RNF220: variants seen among roughly 807,000 people sequenced by gnomAD.
RNF220 encodes E3 ubiquitin-protein ligase RNF220.
In RNF220, 7 loss-of-function variants were observed where a neutral mutation model predicts 67.1. That is an observed-to-expected ratio of 0.10 (90% CI 0.06 to 0.20). The LOEUF (loss-of-function observed/expected upper bound fraction) is 0.20. Ranked by LOEUF, RNF220 falls within the 10% of genes least tolerant of loss-of-function variation. The pLI is 1.00. For synonymous variants in RNF220, 270 were observed against 283.2 expected (o/e 0.95, Z 0.47); for missense variants, 565 against 740.3 (o/e 0.76, Z 2.75).
chr1:44,472,065 G>T (rs1243432540), intron 2 of RNF220, among the ~76,000 whole-genome samples: 1 of 152,064 alleles, frequency 6.6e-6, no homozygotes, highest in East Asian at 1.9e-4. Context: ...CCTTTTTATG[G>T]TTTAATAGTA....
At chr1:44,490,853 G>A (rs1396612403) in intron 2 of RNF220, among the ~76,000 whole-genome samples, 4 of 151,930 alleles carry the variant, frequency 2.6e-5, no homozygotes, top group Non-Finnish European at 4.4e-5. Context: ...GAATGAATAA[G>A]AACAAGAGAG....
intron 2 of RNF220, among the ~76,000 whole-genome samples, chr1:44,595,098 A>T (rs1297426365): frequency 6.6e-6 from 1 of 152,166 alleles, no homozygotes; most frequent in Non-Finnish European, 1.5e-5. Flanking sequence ...GAAATGCAAA[A>T]TCTAGGATCC....
At chr1:44,562,770 C>T (rs780799791) in intron 2 of RNF220, among the ~76,000 whole-genome samples, 5 of 152,166 alleles carry the variant, frequency 3.3e-5, no homozygotes, top group East Asian at 1.9e-4. Context: ...AGGCTGGAGC[C>T]GTTTTCACTG....
chr1:44,491,434 G>T (rs148722663), intron 2 of RNF220, among the ~76,000 whole-genome samples: 1 of 152,080 alleles, frequency 6.6e-6, no homozygotes, highest in Non-Finnish European at 1.5e-5. Flanking sequence ...TGCAAAGTTG[G>T]TGTAAGATAC....
At chr1:44,481,546 G>A (rs927580048) in intron 2 of RNF220, among the ~76,000 whole-genome samples, 2 of 152,152 alleles carry the variant, frequency 1.3e-5, no homozygotes, top group African/African-American at 4.8e-5. Flanking sequence ...GGGAGCTGGA[G>A]GTTGAGCGGG....
chr1:44,647,219 G>A (rs1037241732), intron 12 of RNF220, among the ~76,000 whole-genome samples: 54 of 152,278 alleles, frequency 3.5e-4, no homozygotes, highest in African/African-American at 1.3e-3. Context: ...CTCCATTCTG[G>A]TGTAGGCTGC....
At chr1:44,572,880 A>T (rs1664543711) in intron 2 of RNF220, 1 of 220,594 alleles carries the variant, frequency 4.5e-6, no homozygotes, top group African/African-American at 2.3e-5. Flanking sequence ...AGAGATACCC[A>T]TGAGGAAGGA....
chr1:44,583,749 C>T (rs975467774), intron 2 of RNF220, among the ~76,000 whole-genome samples: 3 of 152,346 alleles, frequency 2.0e-5, no homozygotes, highest in Admixed American at 6.5e-5. Context: ...TCCTTCCCAG[C>T]ACCAATCTCC....
chr1:44,635,512 G>C, intron 6 of RNF220, 33 bp from the exon 7 acceptor site: 1 of 1,610,560 alleles, frequency 6.2e-7, no homozygotes, highest in Non-Finnish European at 8.5e-7. Context: ...CCGTCTGCTT[G>C]TTCTGTGCTT....
chr1:44,536,555 G>T (rs1161897067), intron 2 of RNF220, among the ~76,000 whole-genome samples: 1 of 152,216 alleles, frequency 6.6e-6, no homozygotes, highest in Non-Finnish European at 1.5e-5. Flanking sequence ...GCCTTTCTCA[G>T]CTCTCACCCT....
At chr1:44,562,618 C>T (rs2148293189) in intron 2 of RNF220, among the ~76,000 whole-genome samples, 1 of 152,264 alleles carries the variant, frequency 6.6e-6, no homozygotes, top group East Asian at 1.9e-4. Flanking sequence ...CTGAGCAGGT[C>T]CCAGACAGCT....
In RNF220 at chr1:44,621,141, C is replaced by T. The variant is rs1450966710; in HGVS notation, c.759-1601C>T. On this transcript the variant is annotated intron_variant, in intron 3 of 14. Transcript: ENST00000361799. This position sits in a 1 kb window ranked among gnomAD's most constrained non-coding sequence, Gnocchi z 4.8. ...ATGTTGGCCAGGCTGGTCTCGAACTCCTGACCTCAGGTGATCCACCAGCCT... is the reference window on the plus strand; with the variant it reads ...ATGTTGGCCAGGCTGGTCTCGAACTTCTGACCTCAGGTGATCCACCAGCCT... 6.6e-6 allele frequency among the ~76,000 whole-genome samples: 1 copy of T among 152,144 alleles called. No individual in the cohort carries two copies. The highest frequency in any genetic ancestry group is 1.5e-5 in the Non-Finnish European group (1 of 68,028).
intron 2 of RNF220, among the ~76,000 whole-genome samples, chr1:44,483,401 A>G (rs991526172): frequency 6.6e-6 from 1 of 152,220 alleles, no homozygotes; most frequent in Non-Finnish European, 1.5e-5. Flanking sequence ...GGCTCACAGC[A>G]CTATTTTAGA....
At chr1:44,485,123 G>C (rs1417265031) in intron 2 of RNF220, among the ~76,000 whole-genome samples, 1 of 152,182 alleles carries the variant, frequency 6.6e-6, no homozygotes, top group Non-Finnish European at 1.5e-5. Flanking sequence ...GCAACAGATC[G>C]AGACTCCATC....
intron 2 of RNF220, among the ~76,000 whole-genome samples, chr1:44,427,709 C>A (rs145393493): frequency 1.8e-3 from 274 of 152,288 alleles, no homozygotes; most frequent in African/African-American, 6.4e-3. Context: ...TTCTGTGCCT[C>A]CATTTCCTCA....
Position 44,429,040 on chromosome 1 carries a change from C to T in RNF220, c.625+16318C>T, listed in dbSNP as rs148088605. On this transcript the variant is annotated intron_variant, in intron 2 of 14. Coordinates refer to ENST00000361799, the MANE Select transcript of RNF220 (RefSeq NM_018150.4). ...GAGGACTTAAGAGGTTGACATTTTC[C>T]CCAAAACTGTCTTTTGCCTCCTCAC... Among the ~76,000 whole-genome samples the T allele has an allele frequency of 4.3e-3, 660 of 152,006 alleles. 3 individuals are homozygous for T. Among genetic ancestry groups the T allele is most frequent in the African/African-American group, 0.015 (633 of 41,468 alleles).
At chr1:44,551,794 C>T (rs990109208) in intron 2 of RNF220, among the ~76,000 whole-genome samples, 6 of 152,206 alleles carry the variant, frequency 3.9e-5, no homozygotes, top group Non-Finnish European at 8.8e-5. Flanking sequence ...GATTTTACCA[C>T]GCACTTCTTC....
chr1:44,635,700 C>A, intron 7 of RNF220, 112 bp downstream of exon 7: 1 of 1,558,598 alleles, frequency 6.4e-7, no homozygotes, highest in East Asian at 2.4e-5. Flanking sequence ...CTTCCTTCCC[C>A]GCTCCCTTCC....
intron 2 of RNF220, among the ~76,000 whole-genome samples, chr1:44,476,413 A>G (rs572861932): frequency 1.3e-5 from 2 of 152,352 alleles, no homozygotes; most frequent in African/African-American, 4.8e-5. Flanking sequence ...AAAGTCAAAG[A>G]TCTTGACTTG....
Sources: allele counts gnomAD v4.1 joint callset (sites outside exome capture counted in the v4.1 genomes callset), GRCh38; gene constraint gnomAD v4.1.1; non-coding constraint Gnocchi (gnomAD v3.1); transcripts MANE v1.5; gene names NCBI Gene and HGNC (gene_info 2026-07-23, HGNC 2026-07-21).